The following SLC18A2 variants were observed in gnomAD, a reference collection of about 807,000 sequenced individuals.
SLC18A2 encodes the protein solute carrier family 18 member A2, also known as synaptic vesicular amine transporter.
Under a neutral mutation model 59.2 loss-of-function variants are expected in SLC18A2, and 33 were observed. The ratio of observed to expected loss-of-function variants is 0.56; its 90% confidence interval spans 0.42 to 0.75. The LOEUF (loss-of-function observed/expected upper bound fraction) is 0.75, where lower values mean the gene tolerates loss of function less well. Among genes scored for constraint, SLC18A2 ranks in the 30% least tolerant of loss-of-function variants. SLC18A2 has a pLI of 0.00. For missense variants in SLC18A2, 569 were observed against 668.6 expected (o/e 0.85, Z 1.64); for synonymous variants, 228 against 253.5 (o/e 0.90, Z 0.95).
chr10:117,250,593 CT>C (rs1844152837), intron 3 of SLC18A2, among the ~76,000 whole-genome samples: 1 of 152,240 alleles, frequency 6.6e-6, no homozygotes, highest in African/African-American at 2.4e-5. Context: ...ACTGTGCACT[CT>C]CCATCCCATG....
intron 3 of SLC18A2, among the ~76,000 whole-genome samples, chr10:117,244,937 T>C (rs1483941638): frequency 2.0e-5 from 3 of 152,382 alleles, no homozygotes; most frequent in Middle Eastern, 3.4e-3. Context: ...GTCTGGATAA[T>C]CCAAGCTGCC....
chr10:117,275,670 G>T (rs546309414), intron 15 of SLC18A2, among the ~76,000 whole-genome samples: 9 of 152,310 alleles, frequency 5.9e-5, no homozygotes, highest in African/African-American at 1.9e-4. Context: ...CCCACAGAGG[G>T]TTATTGTGAT....
At chr10:117,242,468 GA>G (rs940363589) in intron 2 of SLC18A2, among the ~76,000 whole-genome samples, 23 of 150,864 alleles carry the variant, frequency 1.5e-4, no homozygotes, top group African/African-American at 5.1e-4. Context: ...TTTAATGAAT[GA>G]AAAAAAAATC....
At chr10:117,243,781 T>A (rs1844079433) in intron 2 of SLC18A2, among the ~76,000 whole-genome samples, 190 bp from the exon 3 acceptor site, 1 of 152,124 alleles carries the variant, frequency 6.6e-6, no homozygotes, top group Non-Finnish European at 1.5e-5. Flanking sequence ...AGAGAGGGTT[T>A]CTCCATGTTG....
chr10:117,267,031 T>G lies in SLC18A2; in HGVS notation c.1118T>G (p.Leu373Ter). Residue 373 changes from leucine to a stop codon, truncating the protein, a stop_gained, in exon 12 of 16, where the codon TTA becomes TGA. Coordinates refer to ENST00000644641, the MANE Select transcript of SLC18A2 (RefSeq NM_003054.6). LOFTEE classifies it high-confidence loss of function. The part of the protein sequence containing the change: ...LGMIIVGVSI[L>*]CIPFAKNIYG... The stretch of plus-strand genomic sequence containing the variant: ...ATGATAATTGTTGGAGTCAGCATTT[T>G]ATGTGTGAGTAAAAGATGGCATTTG... The G allele has an allele frequency of 6.2e-7, 1 of 1,612,508 alleles. No individual in the cohort carries two copies. The highest frequency in any genetic ancestry group is 8.5e-7 in the Non-Finnish European group (1 of 1,179,236).
chr10:117,254,622 T>A, intron 6 of SLC18A2, 125 bp downstream of exon 6: 1 of 522,742 alleles, frequency 1.9e-6, no homozygotes. Flanking sequence ...TTTATTTTTT[T>A]CCTTTCCTGC....
At chr10:117,267,772 C>T (rs767289198) in intron 13 of SLC18A2, 36 bp downstream of exon 13, 13 of 1,489,886 alleles carry the variant, frequency 8.7e-6, no homozygotes, top group Middle Eastern at 1.8e-4. Flanking sequence ...CATTTAAAAC[C>T]GCTTTTCCAC....
intron 2 of SLC18A2, among the ~76,000 whole-genome samples, chr10:117,242,638 T>C (rs560828683): frequency 7.2e-5 from 11 of 152,374 alleles, no homozygotes; most frequent in Admixed American, 5.2e-4. Context: ...TTAGTTCTGC[T>C]TCGGCTCGAA....
rs1565012640 is a variant in SLC18A2, at chr10:117,279,325, A to C, written c.*2059A>C. On this transcript the variant is annotated 3_prime_UTR_variant, in exon 16 of 16. Transcript: ENST00000644641. ...TTTTTATGTTTGGACCTGGTAATAC[A>C]GATACAAAAACTTTAATGAGGTAGC... 1.3e-5 allele frequency: 2 copies of C among 152,240 alleles called. No homozygotes were observed. Among genetic ancestry groups the C allele is most frequent in the Non-Finnish European group, 2.9e-5 (2 of 68,050 alleles). The allele number at this position is 152,240 out of a possible 1,614,324, so 9.4% of individuals were successfully genotyped here. A position where few individuals can be genotyped will look rare whatever the true frequency, so the allele number is the denominator to read the frequency against.
chr10:117,246,465 G>A (rs1801216306), intron 3 of SLC18A2, among the ~76,000 whole-genome samples: 1 of 152,194 alleles, frequency 6.6e-6, no homozygotes, highest in Admixed American at 6.5e-5. Flanking sequence ...CCAGGCTCAT[G>A]TTTGGGACTT....
At chr10:117,260,641 T>C (rs2133737988) in intron 10 of SLC18A2, among the ~76,000 whole-genome samples, 1 of 152,370 alleles carries the variant, frequency 6.6e-6, no homozygotes, top group Non-Finnish European at 1.5e-5. Context: ...TTTTAATGGT[T>C]GCATATTGTT....
intron 10 of SLC18A2, among the ~76,000 whole-genome samples, chr10:117,258,853 G>A (rs1356720689): frequency 2.0e-5 from 3 of 148,938 alleles, no homozygotes; most frequent in Non-Finnish European, 4.4e-5. Flanking sequence ...TGCAACCTCT[G>A]CCTCCCGGGT....
At chr10:117,268,826 A>ATGTGTG (rs144528427) in intron 13 of SLC18A2, among the ~76,000 whole-genome samples, 9 of 150,808 alleles carry the variant, frequency 6.0e-5, no homozygotes, top group African/African-American at 2.2e-4. Flanking sequence ...ATGTATGTTT[A>ATGTGTG]TGTGTGTGTG....
intron 11 of SLC18A2, 37 bp from the exon 12 acceptor site, chr10:117,266,945 CAA>C: frequency 6.2e-7 from 1 of 1,601,150 alleles, no homozygotes; most frequent in Middle Eastern, 1.7e-4. Context: ...AGAAAAAAAT[CAA>C]ATGATCATTT....
At chr10:117,254,265 G>T (rs755500141) in intron 5 of SLC18A2, 134 bp downstream of exon 5, 1 of 1,153,634 alleles carries the variant, frequency 8.7e-7, no homozygotes, top group Non-Finnish European at 1.3e-6. Context: ...TTCCTCTTGG[G>T]TTCTGCTTGG....
Position 117,270,342 on chromosome 10 carries a change from G to T in SLC18A2, c.1319G>T (p.Gly440Val). 1 of 1,614,170 alleles carries T rather than the reference G, an allele frequency of 6.2e-7. No individual in the cohort carries two copies. The change falls in exon 15 of 16, where the codon GGT becomes GTT. Residue 440 changes from glycine to valine, a missense_variant. Gly to Val is a moderately radical substitution (Grantham distance 109). Coordinates refer to ENST00000644641, the MANE Select transcript of SLC18A2 (RefSeq NM_003054.6). ...TGTTTCCTGAAAGGTCCTTCTGCTG[G>T]TGGTGCTATTGCAAAGGCAATTGGA... ...CMGYAIGPSA[G>V]GAIAKAIGFP...
At chr10:117,247,161 C>A (rs923230923) in intron 3 of SLC18A2, among the ~76,000 whole-genome samples, 4 of 152,202 alleles carry the variant, frequency 2.6e-5, no homozygotes, top group Non-Finnish European at 5.9e-5. Flanking sequence ...TGAGCCATTG[C>A]AAACAGTCTT....
intron 15 of SLC18A2, among the ~76,000 whole-genome samples, 195 bp downstream of exon 15, chr10:117,270,658 A>C (rs1844414994): frequency 6.6e-6 from 1 of 152,188 alleles, no homozygotes; most frequent in Non-Finnish European, 1.5e-5. Flanking sequence ...GCTTATGTTT[A>C]TAAACTGGGA....
intron 15 of SLC18A2, among the ~76,000 whole-genome samples, chr10:117,276,630 A>AAAAAAGAAAG (rs1445853665): frequency 1.1e-3 from 24 of 22,248 alleles, no homozygotes; most frequent in Non-Finnish European, 1.9e-3. Context: ...AAAAAAAAAA[A>AAAAAAGAAAG]AAAGAAAGAA....
Sources: allele counts gnomAD v4.1 joint callset (sites outside exome capture counted in the v4.1 genomes callset), GRCh38; gene constraint gnomAD v4.1.1; transcripts MANE v1.5; gene names NCBI Gene and HGNC (gene_info 2026-07-23, HGNC 2026-07-21).